The following PEX5L variants were observed in gnomAD, a reference collection of about 807,000 sequenced individuals.
PEX5L encodes the protein PEX5-related protein.
PEX5L carries 30 observed loss-of-function variants against 84.0 expected under a neutral mutation model. The observed-to-expected ratio is 0.36, with a 90% CI of 0.27 to 0.48. The LOEUF (loss-of-function observed/expected upper bound fraction) is 0.48. PEX5L is among the 20% of genes least tolerant of loss of function. The pLI, the probability that PEX5L is intolerant of heterozygous loss-of-function variation, is 0.99. For missense variants in PEX5L, 533 were observed against 754.6 expected (o/e 0.71, Z 3.44); for synonymous variants, 270 against 283.1 (o/e 0.95, Z 0.46).
intron 8 of PEX5L, among the ~76,000 whole-genome samples, chr3:179,830,290 C>T (rs116702942): frequency 0.019 from 2,752 of 146,980 alleles, 111 homozygotes; most frequent in African/African-American, 0.067. Context: ...CCCCCGCCCC[C>T]CCCCTTTTTT....
intron 1 of PEX5L, among the ~76,000 whole-genome samples, chr3:179,983,126 T>C (rs1299463746): frequency 6.6e-6 from 1 of 151,998 alleles, no homozygotes; most frequent in Non-Finnish European, 1.5e-5. Context: ...TTTTTATACA[T>C]AGATACATGT....
chr3:179,844,852 T>C (rs917371325), intron 8 of PEX5L, among the ~76,000 whole-genome samples: 3 of 152,110 alleles, frequency 2.0e-5, no homozygotes, highest in Middle Eastern at 3.4e-3. Flanking sequence ...AAACAAAAAA[T>C]ATTAAATAAA....
rs532098992 is a variant in PEX5L at position 179,799,497 on chromosome 3, C to T, written c.*2331G>A. Reference sequence around the variant, plus strand: ...AAACTTGGGCCACAAAATTTGCCACCATTTAGCAACAAATTAATTATTTGA... The same window carrying T: ...AAACTTGGGCCACAAAATTTGCCACTATTTAGCAACAAATTAATTATTTGA... On this transcript the variant is annotated 3_prime_UTR_variant, in exon 15 of 15. Coordinates refer to ENST00000467460, the MANE Select transcript of PEX5L (RefSeq NM_016559.3). 1 of 152,240 alleles carries T rather than the reference C, an allele frequency of 6.6e-6. No individual in the cohort carries two copies. The highest frequency in any genetic ancestry group is 1.9e-4 in the East Asian group (1 of 5,178). The allele number at this position is 152,240 out of a possible 1,614,324, so 9.4% of individuals were successfully genotyped here. A position where few individuals can be genotyped will look rare whatever the true frequency, so the allele number is the denominator to read the frequency against.
intron 1 of PEX5L, among the ~76,000 whole-genome samples, chr3:180,028,468 T>C (rs111630095): frequency 1.9e-4 from 29 of 152,182 alleles, no homozygotes; most frequent in Admixed American, 6.5e-5. Context: ...CAGAAAAATA[T>C]CAATTTTAAT....
At chr3:180,031,324 A>C (rs1791444237) in intron 1 of PEX5L, among the ~76,000 whole-genome samples, 1 of 152,108 alleles carries the variant, frequency 6.6e-6, no homozygotes, top group Admixed American at 6.5e-5. Flanking sequence ...TATCCCTACT[A>C]AAGGGGATGG....
intron 2 of PEX5L, among the ~76,000 whole-genome samples, chr3:179,899,407 C>T (rs1760509114): frequency 1.3e-5 from 2 of 152,060 alleles, no homozygotes; most frequent in Admixed American, 6.6e-5. Flanking sequence ...AGACCTATCA[C>T]AGGCAGAGAA....
chr3:179,918,641 T>C (rs1768125430), intron 2 of PEX5L, among the ~76,000 whole-genome samples: 1 of 152,176 alleles, frequency 6.6e-6, no homozygotes, highest in South Asian at 2.1e-4. Flanking sequence ...TTCTTATCTG[T>C]TAAAATGGGA....
chr3:179,902,482 A>G (rs1223606374), intron 2 of PEX5L, among the ~76,000 whole-genome samples: 1 of 152,250 alleles, frequency 6.6e-6, no homozygotes, highest in African/African-American at 2.4e-5. Context: ...TTCACTCACA[A>G]GCACGTTTCT....
chr3:179,906,231 C>G (rs1329338164), intron 2 of PEX5L, among the ~76,000 whole-genome samples: 2 of 152,120 alleles, frequency 1.3e-5, no homozygotes, highest in African/African-American at 4.8e-5. Flanking sequence ...TTACCATGTC[C>G]CAGGACTTAT....
intron 1 of PEX5L, among the ~76,000 whole-genome samples, chr3:179,988,291 C>G (rs112877460): frequency 3.3e-5 from 5 of 151,968 alleles, no homozygotes; most frequent in African/African-American, 1.2e-4. Context: ...ATCCCAGCTA[C>G]TCGGGAGGCT....
chr3:179,811,432 C>T (rs547848500), intron 11 of PEX5L, among the ~76,000 whole-genome samples: 3 of 152,114 alleles, frequency 2.0e-5, no homozygotes, highest in Middle Eastern at 3.2e-3. Context: ...CCTGCTCCAA[C>T]GTCATCCAGA....
chr3:180,003,790 C>T (rs1190033780), intron 1 of PEX5L, among the ~76,000 whole-genome samples: 1 of 152,106 alleles, frequency 6.6e-6, no homozygotes, highest in Non-Finnish European at 1.5e-5. Context: ...CTTTTGGCTT[C>T]CGTTGGCTAC....
intron 2 of PEX5L, among the ~76,000 whole-genome samples, chr3:179,965,026 G>T (rs1051313293): frequency 1.3e-5 from 2 of 152,194 alleles, no homozygotes; most frequent in African/African-American, 4.8e-5. Context: ...TGACTGTAAA[G>T]ACCTTGCTCT....
At chr3:179,978,291 C>A (rs1786003457) in intron 1 of PEX5L, among the ~76,000 whole-genome samples, 1 of 152,026 alleles carries the variant, frequency 6.6e-6, no homozygotes, top group African/African-American at 2.4e-5. Flanking sequence ...TTTCTATTTT[C>A]CAAGATTTCA....
At chr3:179,853,563 C>T (rs1742757810) in intron 8 of PEX5L, among the ~76,000 whole-genome samples, 1 of 152,158 alleles carries the variant, frequency 6.6e-6, no homozygotes. Context: ...CCCTGTGCAT[C>T]CTTCCTAGGG....
At chr3:179,928,190 G>A (rs544726888) in intron 2 of PEX5L, among the ~76,000 whole-genome samples, 1 of 152,270 alleles carries the variant, frequency 6.6e-6, no homozygotes, top group Non-Finnish European at 1.5e-5. Context: ...CAGTTTGCAC[G>A]CTTACAGGAA....
intron 2 of PEX5L, among the ~76,000 whole-genome samples, chr3:179,960,355 G>T (rs927737082): frequency 1.3e-5 from 2 of 152,172 alleles, no homozygotes; most frequent in Admixed American, 6.5e-5. Flanking sequence ...GTATGAATGG[G>T]GCATGAAGTT....
rs1388309283 is a variant in PEX5L, at chr3:179,795,882, T to C, written c.*5946A>G. 6.6e-6 allele frequency: 1 copy of C among 152,234 alleles called. No individual in the cohort carries two copies. The highest frequency in any genetic ancestry group is 1.5e-5 in the Non-Finnish European group (1 of 68,032). The allele number at this position is 152,234 out of a possible 1,614,324, so 9.4% of individuals were successfully genotyped here. On this transcript the variant is annotated 3_prime_UTR_variant, in exon 15 of 15. Coordinates refer to ENST00000467460, the MANE Select transcript of PEX5L (RefSeq NM_016559.3). Reference sequence around the variant, plus strand: ...AGTTTAATAAATTAATCAGTTTTTTTTCAACCAATGTAAACAAATTTGGGC... The same window carrying C: ...AGTTTAATAAATTAATCAGTTTTTTCTCAACCAATGTAAACAAATTTGGGC...
chr3:179,837,322 A>G (rs1735332998), intron 8 of PEX5L, among the ~76,000 whole-genome samples: 1 of 152,206 alleles, frequency 6.6e-6, no homozygotes, highest in African/African-American at 2.4e-5. Flanking sequence ...AATCAGAATG[A>G]GAAGTTGTTG....
Sources: gnomAD v4.1 joint callset for allele counts (sites outside exome capture counted in the v4.1 genomes callset) on GRCh38, gnomAD v4.1.1 for gene constraint, MANE v1.5 for transcripts, NCBI Gene and HGNC (gene_info 2026-07-23, HGNC 2026-07-21) for gene names.